Variants in SMARCC1 observed in about 807,000 individuals in gnomAD.
SMARCC1 encodes the protein SWI/SNF related BAF chromatin remodeling complex subunit C1.
A neutral mutation model predicts 147.4 loss-of-function variants in SMARCC1; 43 were observed. The observed-to-expected ratio is 0.29, with a 90% confidence interval of 0.23 to 0.38. The LOEUF (loss-of-function observed/expected upper bound fraction) is 0.38, where lower values mean the gene tolerates loss of function less well. Ranked by LOEUF, SMARCC1 falls within the 10% of genes least tolerant of loss-of-function variation. The pLI, the probability that SMARCC1 is intolerant of heterozygous loss-of-function variation, is 1.00. For missense variants in SMARCC1, 1,119 were observed against 1,381.1 expected, an observed-to-expected ratio of 0.81 and a Z score of 3.01; for synonymous variants, 495 against 484.4, an observed-to-expected ratio of 1.02 and a Z score of -0.29.
intron 26 of SMARCC1, among the ~76,000 whole-genome samples, chr3:47,595,145 T>C (rs1468372089): frequency 3.3e-5 from 5 of 152,198 alleles, no homozygotes; most frequent in Admixed American, 2.0e-4. Flanking sequence ...CCACACAGCC[T>C]GAAGAGGACA....
At chr3:47,657,611 CA>C (rs2033280268) in intron 21 of SMARCC1, among the ~76,000 whole-genome samples, 1 of 151,964 alleles carries the variant, frequency 6.6e-6, no homozygotes, top group Non-Finnish European at 1.5e-5. Context: ...TGAGCCTGGC[CA>C]ACATAGTGAA....
intron 19 of SMARCC1, among the ~76,000 whole-genome samples, chr3:47,667,218 C>T (rs1358854363): frequency 2.6e-5 from 4 of 150,974 alleles, no homozygotes; most frequent in Non-Finnish European, 5.9e-5. Context: ...CTTGGGAGGC[C>T]GAGGCAGGAG....
At chr3:47,772,725 G>C in intron 2 of SMARCC1, 92 bp downstream of exon 2, 1 of 1,100,812 alleles carries the variant, frequency 9.1e-7, no homozygotes, top group Non-Finnish European at 1.3e-6. Context: ...AATTCTACAC[G>C]CTAGCAGCAG....
intron 25 of SMARCC1, among the ~76,000 whole-genome samples, chr3:47,615,200 A>G (rs2032621319): frequency 6.6e-6 from 1 of 152,224 alleles, no homozygotes; most frequent in South Asian, 2.1e-4. Flanking sequence ...ATACCTTATT[A>G]CTTATAAAAC....
chr3:47,739,310 G>A (rs958937580), intron 3 of SMARCC1, among the ~76,000 whole-genome samples: 5 of 152,110 alleles, frequency 3.3e-5, no homozygotes, highest in African/African-American at 9.7e-5. Context: ...ATCAATAAAT[G>A]TTAGCTATAG....
intron 5 of SMARCC1, among the ~76,000 whole-genome samples, chr3:47,735,039 G>A (rs1305815607): frequency 2.0e-5 from 3 of 152,030 alleles, no homozygotes; most frequent in Non-Finnish European, 4.4e-5. Context: ...ACAGGCGTGA[G>A]CCACCACGCC....
chr3:47,766,988 T>C (rs1178630126), intron 2 of SMARCC1, among the ~76,000 whole-genome samples: 1 of 151,958 alleles, frequency 6.6e-6, no homozygotes, highest in African/African-American at 2.4e-5. Flanking sequence ...AAGACCATCC[T>C]GGCTAACACA....
At position 47,674,404 on chromosome 3, in the gene SMARCC1, T is replaced by C. The variant is rs896004420; in HGVS notation, c.1839+1071A>G. 6.6e-5 allele frequency among the ~76,000 whole-genome samples: 10 copies of C among 152,242 alleles called. No homozygotes were observed. The East Asian group carries it at 1.7e-3, about 26-fold the overall frequency. On this transcript the variant is annotated intron_variant, in intron 18 of 27. Coordinates refer to ENST00000254480, the MANE Select transcript of SMARCC1 (RefSeq NM_003074.4). The stretch of plus-strand genomic sequence containing the variant: ...CACCTTCAATTTTGAAAGTAATGTC[T>C]ACTGGATAGAGAATTCCAGATAGAT...
chr3:47,647,250 C>T (rs894865788), intron 21 of SMARCC1, among the ~76,000 whole-genome samples: 2 of 152,134 alleles, frequency 1.3e-5, no homozygotes, highest in African/African-American at 2.4e-5. Flanking sequence ...GGTGCAAAAG[C>T]GATGCATTCT....
intron 19 of SMARCC1, among the ~76,000 whole-genome samples, chr3:47,665,924 A>G (rs2033414903): frequency 6.6e-6 from 1 of 151,820 alleles, no homozygotes; most frequent in Non-Finnish European, 1.5e-5. Flanking sequence ...GCCTCAAGCA[A>G]TCCTTCCATC....
intron 2 of SMARCC1, among the ~76,000 whole-genome samples, chr3:47,755,531 A>G (rs913322116): frequency 5.3e-5 from 8 of 150,086 alleles, no homozygotes; most frequent in African/African-American, 2.0e-4. Flanking sequence ...TTAAATAAAA[A>G]GCGAATTTAA....
intron 1 of SMARCC1, among the ~76,000 whole-genome samples, chr3:47,776,225 T>G (rs2034973226): frequency 6.6e-6 from 1 of 152,124 alleles, no homozygotes; most frequent in Non-Finnish European, 1.5e-5. Flanking sequence ...CAAGGTAACT[T>G]CATAATCTTT....
chr3:47,631,805 C>T (rs2032895064), intron 24 of SMARCC1, among the ~76,000 whole-genome samples: 1 of 152,160 alleles, frequency 6.6e-6, no homozygotes, highest in African/African-American at 2.4e-5. Context: ...GAAACTTGGA[C>T]TGGCTACATA....
rs970274236 is a variant in SMARCC1, at chr3:47,637,387, A to C, written c.2377-1251T>G. Reference sequence around the variant, plus strand: ...TATTCACTCAAATAGTGACTGACTGATCCCTATGTGCAGTAACAGTATTAG... The same window carrying C: ...TATTCACTCAAATAGTGACTGACTGCTCCCTATGTGCAGTAACAGTATTAG... On this transcript the variant is annotated intron_variant, in intron 22 of 27. Transcript: ENST00000254480. Among the ~76,000 whole-genome samples the C allele has an allele frequency of 5.9e-5, 9 of 152,110 alleles. No homozygotes were observed. In the East Asian group the frequency reaches 1.5e-3, roughly 26 times the overall value.
intron 24 of SMARCC1, 81 bp downstream of exon 24, chr3:47,635,109 C>T (rs1422534688): frequency 4.8e-6 from 6 of 1,259,704 alleles, no homozygotes; most frequent in Non-Finnish European, 3.4e-6. Flanking sequence ...GCTCTTTATA[C>T]TAAATGTTCC....
intron 10 of SMARCC1, 144 bp from the exon 11 acceptor site, chr3:47,701,546 G>C: frequency 1.3e-6 from 1 of 745,292 alleles, no homozygotes; most frequent in South Asian, 1.6e-5. Context: ...CGGTCGCGGT[G>C]GTTCATGCCT....
intron 12 of SMARCC1, among the ~76,000 whole-genome samples, chr3:47,690,272 C>T (rs1217152384): frequency 2.6e-5 from 4 of 151,970 alleles, no homozygotes; most frequent in African/African-American, 4.8e-5. Flanking sequence ...GTGGCTGGTA[C>T]GGGACATAGC....
chr3:47,765,755 T>TG (rs2034832387), intron 2 of SMARCC1, among the ~76,000 whole-genome samples: 2 of 151,544 alleles, frequency 1.3e-5, no homozygotes, highest in Non-Finnish European at 2.9e-5. Context: ...TTTTTTGAGA[T>TG]GGAGTCTCAC....
At chr3:47,652,834 G>A (rs895696481) in intron 21 of SMARCC1, among the ~76,000 whole-genome samples, 1 of 151,710 alleles carries the variant, frequency 6.6e-6, no homozygotes, top group Non-Finnish European at 1.5e-5. Context: ...TTAAAAAGAT[G>A]GACTGAAGAA....
Sources: allele counts gnomAD v4.1 joint callset (sites outside exome capture counted in the v4.1 genomes callset), GRCh38; gene constraint gnomAD v4.1.1; transcripts MANE v1.5; gene names NCBI Gene and HGNC (gene_info 2026-07-23, HGNC 2026-07-21).